The following CDH23 variants were observed in gnomAD, a reference collection of about 807,000 sequenced individuals.
CDH23 encodes cadherin related 23, also known as cadherin-23.
In CDH23, 189 loss-of-function variants were observed where a neutral mutation model predicts 317.1. The observed-to-expected ratio is 0.60, with a 90% CI of 0.53 to 0.67. The LOEUF is 0.67. Among genes scored for constraint, CDH23 ranks in the 30% least tolerant of loss-of-function variants. The pLI is 0.00. For missense variants in CDH23, 4,401 were observed against 4,592.4 expected (o/e 0.96, Z 1.20); for synonymous variants, 1,839 against 1,876.8 (o/e 0.98, Z 0.52).
intron 30 of CDH23, among the ~76,000 whole-genome samples, chr10:71,729,802 A>G (rs1011811584): frequency 2.6e-5 from 4 of 151,976 alleles, no homozygotes; most frequent in Non-Finnish European, 5.9e-5. Context: ...TAACAACCTT[A>G]GGAGTGGCAT....
intron 34 of CDH23, among the ~76,000 whole-genome samples, chr10:71,736,987 G>C (rs1839584388): frequency 6.6e-6 from 1 of 152,146 alleles, no homozygotes; most frequent in African/African-American, 2.4e-5. Context: ...CAGAGGGAAC[G>C]GCAAGCACAA....
chr10:71,504,821 T>C (rs1175605895), intron 3 of CDH23, among the ~76,000 whole-genome samples: 1 of 152,240 alleles, frequency 6.6e-6, no homozygotes, highest in Non-Finnish European at 1.5e-5. Context: ...CCAGCGTTTT[T>C]TCTGATTGGT....
At position 71,760,028 on chromosome 10, in the gene CDH23, C is replaced by CACACACACACATATAT. The variant is rs1840293275; in HGVS notation, c.4846-17634_4846-17619dup. Among the ~76,000 whole-genome samples the CACACACACACATATAT allele has an allele frequency of 3.4e-4, 16 of 47,208 alleles. 6 individuals are homozygous for CACACACACACATATAT. Among genetic ancestry groups the CACACACACACATATAT allele is most frequent in the African/African-American group, 9.1e-4 (14 of 15,452 alleles). The allele number at this position is 47,208 out of a possible 152,430, so 31.0% of individuals were successfully genotyped here. On this transcript the variant is annotated intron_variant, in intron 38 of 69. Coordinates refer to ENST00000224721, the MANE Select transcript of CDH23 (RefSeq NM_022124.6). ...ATATATATACACACACACATATATA[C>CACACACACACATATAT]ACACACACACATATATACACACACA...
At chr10:71,684,130 C>T (rs12783993) in intron 18 of CDH23, among the ~76,000 whole-genome samples, 4 of 151,350 alleles carry the variant, frequency 2.6e-5, no homozygotes, top group South Asian at 2.1e-4. Context: ...CGGCCTGACT[C>T]GAACCTGTAA....
At position 71,741,718 on chromosome 10, in the gene CDH23, G is replaced by A; in HGVS notation, c.4642G>A (p.Val1548Ile). 1 of 1,610,870 alleles carries A rather than the reference G, an allele frequency of 6.2e-7. No individual in the cohort carries two copies. ...NENVGGGTAVVQVRATDRDIG... is the reference protein window; with the variant it reads ...NENVGGGTAVIQVRATDRDIG... ...GAACGTGGGTGGAGGTACTGCTGTGGTCCAGGTGAGAGCCACTGACCGTGA... is the reference window on the plus strand; with the variant it reads ...GAACGTGGGTGGAGGTACTGCTGTGATCCAGGTGAGAGCCACTGACCGTGA... The change falls in exon 38 of 70, where the codon GTC (valine) becomes ATC (isoleucine). Residue 1548 changes from valine (V) to isoleucine (I), a missense_variant. Val to Ile is a conservative substitution (Grantham distance 29, BLOSUM62 3). Coordinates refer to ENST00000224721, the MANE Select transcript of CDH23 (RefSeq NM_022124.6).
intron 6 of CDH23, among the ~76,000 whole-genome samples, chr10:71,550,579 A>AAAAAAAAAAAG (rs1564647432): frequency 2.5e-5 from 3 of 121,206 alleles, no homozygotes; most frequent in South Asian, 5.3e-4. Context: ...AAAAAAAAAG[A>AAAAAAAAAAAG]AAAAAGAAAA....
At chr10:71,532,711 G>GTTTTTTTTTTTTTT (rs531593760) in intron 6 of CDH23, among the ~76,000 whole-genome samples, 3 of 128,100 alleles carry the variant, frequency 2.3e-5, no homozygotes, top group Admixed American at 8.1e-5. Flanking sequence ...TTTTGTTTTT[G>GTTTTTTTTTTTTTT]TTTTTTTTTT....
At position 71,510,111 on chromosome 10, in the gene CDH23, G is replaced by A; in HGVS notation, c.175G>A (p.Asp59Asn). The A allele has an allele frequency of 6.2e-7, 1 of 1,614,040 alleles. No individual in the cohort carries two copies. The highest frequency in any genetic ancestry group is 8.5e-7 in the Non-Finnish European group (1 of 1,179,906). ...GSSVTQLLAQ[D>N]MDNDPLVFGV... The stretch of plus-strand genomic sequence containing the variant: ...TTCTGTGACCCAGTTGCTGGCCCAA[G>A]ACATGGACAATGACCCCCTGGTGTT... Residue 59 changes from aspartate (D) to asparagine (N), a missense_variant, in exon 4 of 70, where the codon GAC becomes AAC. Transcript: ENST00000224721.
intron 50 of CDH23, 21 bp from the exon 51 acceptor site, chr10:71,799,090 G>A (rs751656617): frequency 1.8e-5 from 29 of 1,602,896 alleles, no homozygotes; most frequent in Non-Finnish European, 2.3e-5. Context: ...CAAAATGGCA[G>A]TGGGAGCCTC....
intron 28 of CDH23, chr10:71,719,523 G>A (rs1315499247): frequency 6.6e-6 from 1 of 152,550 alleles, no homozygotes; most frequent in Non-Finnish European, 1.5e-5. Context: ...CCAGAGGACT[G>A]CCTAGGTCTG....
intron 6 of CDH23, among the ~76,000 whole-genome samples, chr10:71,543,977 T>C (rs894114417): frequency 2.6e-5 from 4 of 151,962 alleles, no homozygotes; most frequent in African/African-American, 9.7e-5. Flanking sequence ...AAAAAGCAAA[T>C]TGGAAGCAAG....
At chr10:71,670,555 G>C (rs1231759907) in intron 14 of CDH23, among the ~76,000 whole-genome samples, 19 of 152,142 alleles carry the variant, frequency 1.2e-4, no homozygotes, top group Admixed American at 1.2e-3. Context: ...GGATGGGCCT[G>C]GGGGGTGGAT....
chr10:71,588,693 A>G (rs1299326974), intron 9 of CDH23, among the ~76,000 whole-genome samples: 2 of 152,146 alleles, frequency 1.3e-5, no homozygotes, highest in African/African-American at 4.8e-5. Flanking sequence ...TAAAATCCCC[A>G]CAAAATATTG....
At chr10:71,652,560 G>A (rs1481453795) in intron 14 of CDH23, among the ~76,000 whole-genome samples, 2 of 152,238 alleles carry the variant, frequency 1.3e-5, no homozygotes, top group African/African-American at 4.8e-5. Context: ...CTCTGCCGCA[G>A]TGGACCCTGG....
intron 9 of CDH23, among the ~76,000 whole-genome samples, chr10:71,612,952 G>A (rs1261554864): frequency 2.6e-5 from 4 of 152,184 alleles, no homozygotes; most frequent in East Asian, 1.9e-4. Flanking sequence ...AGCTTCAAGC[G>A]ATTCTCATGC....
intron 9 of CDH23, among the ~76,000 whole-genome samples, chr10:71,610,552 C>T (rs564469731): frequency 3.7e-4 from 57 of 152,350 alleles, no homozygotes; most frequent in African/African-American, 1.3e-3. Flanking sequence ...TGCTTTCTCA[C>T]ACAGAAGATG....
intron 25 of CDH23, 121 bp downstream of exon 25, chr10:71,705,251 C>A (rs1254528293): frequency 2.1e-6 from 2 of 944,040 alleles, no homozygotes. Flanking sequence ...TAGGCACAGG[C>A]TCCCTTGTTA....
In CDH23 at chr10:71,397,346, C is replaced by G. The variant is rs932487043; in HGVS notation, c.-6+28C>G. On this transcript the variant is annotated intron_variant, in intron 1 of 69. Transcript: ENST00000224721. The surrounding 1 kb of genome is among the most constrained non-coding windows in gnomAD (Gnocchi z 4.8). Reference sequence around the variant, plus strand: ...ACCCGGAGCCACGCACCGCCTCTTCCCTCCTCGCTTCCCTCTCCTTCCCCT... The same window carrying G: ...ACCCGGAGCCACGCACCGCCTCTTCGCTCCTCGCTTCCCTCTCCTTCCCCT... The G allele has an allele frequency of 6.5e-6, 1 of 153,144 alleles. No homozygotes were observed. Among genetic ancestry groups the G allele is most frequent in the Non-Finnish European group, 1.5e-5 (1 of 68,226 alleles). 9.5% of individuals were successfully genotyped at this position (153,144 alleles called of 1,614,324 possible).
intron 1 of CDH23, among the ~76,000 whole-genome samples, chr10:71,436,103 C>T (rs1849605258): frequency 6.6e-6 from 1 of 152,270 alleles, no homozygotes; most frequent in Non-Finnish European, 1.5e-5. Context: ...GTGTCGGTGC[C>T]ACCTCACCCT....
Sources: allele counts gnomAD v4.1 joint callset (sites outside exome capture counted in the v4.1 genomes callset), GRCh38; gene constraint gnomAD v4.1.1; non-coding constraint Gnocchi (gnomAD v3.1); transcripts MANE v1.5; gene names NCBI Gene and HGNC (gene_info 2026-07-23, HGNC 2026-07-21).